The following CLSTN2 variants were observed in gnomAD, a reference collection of about 807,000 sequenced individuals.
The protein encoded by CLSTN2 is calsyntenin-2.
CLSTN2 carries 48 observed loss-of-function variants against 101.2 expected under a neutral mutation model. The observed-to-expected ratio is 0.47, with a 90% CI of 0.38 to 0.60. The LOEUF is 0.60. CLSTN2 is among the 20% of genes least tolerant of loss of function. The probability of loss-of-function intolerance (pLI) is 0.00; values close to 1 mark genes in which losing one functional copy is unlikely to be tolerated. For missense variants in CLSTN2, 1,160 were observed against 1,238.2 expected (o/e 0.94, Z 0.95); for synonymous variants, 481 against 463.6 (o/e 1.04, Z -0.48).
chr3:140,551,377 G>A (rs1935695607), intron 10 of CLSTN2, among the ~76,000 whole-genome samples: 2 of 152,134 alleles, frequency 1.3e-5, no homozygotes, highest in South Asian at 4.2e-4. Flanking sequence ...TCTCCAGCAT[G>A]TCTGGAGTCC....
In CLSTN2 at chr3:140,466,245, G is replaced by A. The variant is rs188582246; in HGVS notation, c.1223-365G>A. On this transcript the variant is annotated intron_variant, in intron 7 of 16. Coordinates refer to ENST00000458420, the MANE Select transcript of CLSTN2 (RefSeq NM_022131.3). The stretch of plus-strand genomic sequence containing the variant: ...GGAGCACAGAGTGACTGATGTGATT[G>A]GCATATAGCTCCCTAAACCCTCCAG... Among the ~76,000 whole-genome samples the A allele has an allele frequency of 3.9e-5, 6 of 152,310 alleles. No individual in the cohort carries two copies. The East Asian group carries it at 1.2e-3, about 29-fold the overall frequency.
At chr3:139,958,066 C>T (rs551068103) in intron 1 of CLSTN2, among the ~76,000 whole-genome samples, 3 of 152,196 alleles carry the variant, frequency 2.0e-5, no homozygotes, top group Non-Finnish European at 4.4e-5. Context: ...CTCAACAACA[C>T]AGGGCTTAGC....
At chr3:140,478,229 A>G (rs1002620036) in intron 8 of CLSTN2, among the ~76,000 whole-genome samples, 4 of 151,912 alleles carry the variant, frequency 2.6e-5, no homozygotes, top group Non-Finnish European at 5.9e-5. Context: ...AATTATCTAA[A>G]TGGCATATGC....
rs1215915587 is a variant in CLSTN2 at position 140,570,086 on chromosome 3, A to G, written c.*3833A>G. On this transcript the variant is annotated 3_prime_UTR_variant, in exon 17 of 17. Coordinates refer to ENST00000458420, the MANE Select transcript of CLSTN2 (RefSeq NM_022131.3). Reference sequence around the variant, plus strand: ...CTTTGTATACATGGACCATCCAGTGAGAGAGCTGGGGGTGGTGAGAAGCAA... The same window carrying G: ...CTTTGTATACATGGACCATCCAGTGGGAGAGCTGGGGGTGGTGAGAAGCAA... 1.3e-5 allele frequency: 2 copies of G among 152,190 alleles called. No individual in the cohort carries two copies. Among genetic ancestry groups the G allele is most frequent in the African/African-American group, 2.4e-5 (1 of 41,442 alleles). The allele number at this position is 152,190 out of a possible 1,614,324, so 9.4% of individuals were successfully genotyped here. A position where few individuals can be genotyped will look rare whatever the true frequency, so the allele number is the denominator to read the frequency against.
chr3:140,386,966 G>A (rs563063180), intron 2 of CLSTN2, among the ~76,000 whole-genome samples: 7 of 152,296 alleles, frequency 4.6e-5, no homozygotes, highest in East Asian at 1.9e-4. Context: ...AAGCACATCC[G>A]AGTACCTTAC....
rs200474797 is a variant in CLSTN2, at chr3:140,131,663, GT to G, written c.110-44287del. On this transcript the variant is annotated intron_variant, in intron 1 of 16. Transcript: ENST00000458420. Reference sequence around the variant, plus strand: ...CTGCTTCTACTTGAAAATGGTAGTTGTGTGAGAGGAGGTGGGACAGTCAGGT... The same window carrying G: ...CTGCTTCTACTTGAAAATGGTAGTTGGTGAGAGGAGGTGGGACAGTCAGGT... 8.7e-3 allele frequency among the ~76,000 whole-genome samples: 1,329 copies of G among 152,168 alleles called. 22 individuals are homozygous for G. Among genetic ancestry groups the G allele is most frequent in the African/African-American group, 0.029 (1,203 of 41,510 alleles).
intron 1 of CLSTN2, among the ~76,000 whole-genome samples, chr3:139,945,072 A>G (rs1935195684): frequency 1.3e-5 from 2 of 150,086 alleles, no homozygotes. Flanking sequence ...GAAAATTGCC[A>G]GTTAAAAAAA....
In CLSTN2 at chr3:140,573,870, AT is replaced by A. The variant is rs1304045476; in HGVS notation, c.*7619del. 3 of 152,472 alleles carry A rather than the reference AT, an allele frequency of 2.0e-5. No homozygotes were observed. Among genetic ancestry groups the A allele is most frequent in the Non-Finnish European group, 2.9e-5 (2 of 68,140 alleles). The allele number at this position is 152,472 out of a possible 1,614,324, so 9.4% of individuals were successfully genotyped here. A position where few individuals can be genotyped will look rare whatever the true frequency, so the allele number is the denominator to read the frequency against. On this transcript the variant is annotated 3_prime_UTR_variant, in exon 17 of 17. Transcript: ENST00000458420. ...AGAAGGGAGCTGGTACCTCTGGACCATTGAGGCAACACCTCCCCAGAGGCAG... is the reference window on the plus strand; with the variant it reads ...AGAAGGGAGCTGGTACCTCTGGACCATGAGGCAACACCTCCCCAGAGGCAG...
intron 1 of CLSTN2, among the ~76,000 whole-genome samples, chr3:140,057,571 C>T (rs957294932): frequency 2.6e-5 from 4 of 152,136 alleles, no homozygotes; most frequent in Non-Finnish European, 5.9e-5. Context: ...AGTTAATCGC[C>T]TCATTAGTCA....
intron 1 of CLSTN2, among the ~76,000 whole-genome samples, chr3:140,138,297 C>T (rs560557095): frequency 1.3e-5 from 2 of 152,206 alleles, no homozygotes; most frequent in Non-Finnish European, 2.9e-5. Context: ...GGAAGAACAA[C>T]TTTGCTGCCC....
chr3:140,409,103 C>T (rs4683834), intron 4 of CLSTN2, among the ~76,000 whole-genome samples: 61,289 of 152,224 alleles, frequency 0.4, 14,780 homozygotes, highest in South Asian at 0.61. Flanking sequence ...GCCCCCACCA[C>T]CACATGAGTG....
At chr3:140,393,845 G>A (rs532574269) in intron 2 of CLSTN2, among the ~76,000 whole-genome samples, 17 of 152,138 alleles carry the variant, frequency 1.1e-4, no homozygotes, top group Admixed American at 2.6e-4. Flanking sequence ...TGAGACATAG[G>A]GTTTAAAATG....
chr3:140,431,876 T>A (rs2088634723), intron 5 of CLSTN2, among the ~76,000 whole-genome samples: 2 of 152,226 alleles, frequency 1.3e-5, no homozygotes, highest in African/African-American at 4.8e-5. Flanking sequence ...TCATAATCCT[T>A]GGCCAAGCTA....
chr3:139,999,186 CTTTTA>C (rs924274670), intron 1 of CLSTN2, among the ~76,000 whole-genome samples: 65 of 152,122 alleles, frequency 4.3e-4, no homozygotes, highest in African/African-American at 1.5e-3. Flanking sequence ...AAAATTTCAA[CTTTTA>C]TTTTAGATAC....
chr3:140,558,656 G>T lies in CLSTN2; in HGVS notation c.1840G>T (p.Val614Leu). 6.2e-7 allele frequency: 1 copy of T among 1,613,496 alleles called. No homozygotes were observed. Among genetic ancestry groups the T allele is most frequent in the South Asian group, 1.1e-5 (1 of 91,030 alleles). Residue 614 changes from valine to leucine, a missense_variant, in exon 12 of 17, where the codon GTA becomes TTA. Coordinates refer to ENST00000458420, the MANE Select transcript of CLSTN2 (RefSeq NM_022131.3). ...SSKVQCFGEDVCISIPEVDAY... is the reference protein window; with the variant it reads ...SSKVQCFGEDLCISIPEVDAY... ...TTTTCCCAGGTGCTTTGGGGAAGAC[G>T]TATGCATCAGTATCCCTGAGGTAGA...
chr3:140,018,265 C>T (rs2007240908), intron 1 of CLSTN2, among the ~76,000 whole-genome samples: 1 of 152,170 alleles, frequency 6.6e-6, no homozygotes, highest in Non-Finnish European at 1.5e-5. Context: ...AGATGAAAAC[C>T]CACTTGCAGT....
intron 2 of CLSTN2, among the ~76,000 whole-genome samples, chr3:140,291,331 G>A (rs2086950384): frequency 6.6e-6 from 1 of 151,590 alleles, no homozygotes; most frequent in Admixed American, 6.6e-5. Context: ...ATATGTATCT[G>A]AAACTGCCTT....
At chr3:140,030,125 G>A (rs929463716) in intron 1 of CLSTN2, among the ~76,000 whole-genome samples, 2 of 152,136 alleles carry the variant, frequency 1.3e-5, no homozygotes, top group Non-Finnish European at 2.9e-5. Flanking sequence ...AGACCGAGGG[G>A]ACAGCAACAG....
At chr3:140,395,931 G>A (rs1252967905) in intron 2 of CLSTN2, among the ~76,000 whole-genome samples, 1 of 152,208 alleles carries the variant, frequency 6.6e-6, no homozygotes, top group Non-Finnish European at 1.5e-5. Flanking sequence ...TCACCAATCT[G>A]AAGGAGAGGC....
Sources: gnomAD v4.1 joint callset for allele counts (sites outside exome capture counted in the v4.1 genomes callset) on GRCh38, gnomAD v4.1.1 for gene constraint, MANE v1.5 for transcripts, NCBI Gene and HGNC (gene_info 2026-07-23, HGNC 2026-07-21) for gene names.